The following TRIOBP variants were observed in gnomAD, a reference collection of about 807,000 sequenced individuals.
TRIOBP encodes TRIO and F-actin binding protein, also known as TRIO and F-actin-binding protein.
TRIOBP carries 169 observed loss-of-function variants against 238.8 expected under a neutral mutation model. The observed-to-expected ratio is 0.71, with a 90% CI of 0.62 to 0.80. TRIOBP has a LOEUF of 0.80. Among genes scored for constraint, TRIOBP ranks in the 30% least tolerant of loss-of-function variants. TRIOBP has a pLI of 0.00. For synonymous variants in TRIOBP, 1,150 were observed against 1,274.4 expected, an observed-to-expected ratio of 0.90 and a Z score of 2.08; for missense variants, 2,838 against 3,122.6, an observed-to-expected ratio of 0.91 and a Z score of 2.17.
At chr22:37,757,542 C>G (rs904424726) in intron 15 of TRIOBP, 71 bp from the exon 16 acceptor site, 1 of 1,531,800 alleles carries the variant, frequency 6.5e-7, no homozygotes, top group African/African-American at 1.4e-5. Context: ...ACACAGGTGT[C>G]GCTCCAAAAG....
chr22:37,709,639 C>G (rs1043763164), intron 3 of TRIOBP, among the ~76,000 whole-genome samples: 1 of 152,198 alleles, frequency 6.6e-6, no homozygotes, highest in African/African-American at 2.4e-5. Context: ...TCTCCCACCA[C>G]CAGGGGAGGG....
chr22:37,722,502 G>A (rs1048284343), intron 6 of TRIOBP, among the ~76,000 whole-genome samples: 6 of 150,612 alleles, frequency 4.0e-5, no homozygotes, highest in South Asian at 2.1e-4. Context: ...CGAGGTGAGC[G>A]GATCACCTGA....
chr22:37,761,358 G>A (rs1926235969), intron 17 of TRIOBP, among the ~76,000 whole-genome samples: 1 of 152,172 alleles, frequency 6.6e-6, no homozygotes, highest in African/African-American at 2.4e-5. Flanking sequence ...AGTGGCTGAG[G>A]CAGGAGAATC....
At chr22:37,747,073 G>A (rs914087696) in intron 11 of TRIOBP, among the ~76,000 whole-genome samples, 1 of 152,216 alleles carries the variant, frequency 6.6e-6, no homozygotes, top group Non-Finnish European at 1.5e-5. Context: ...TGATGGCAGG[G>A]GTTTGCCTTT....
intron 6 of TRIOBP, among the ~76,000 whole-genome samples, chr22:37,716,681 C>T (rs989109475): frequency 1.3e-5 from 2 of 152,228 alleles, no homozygotes; most frequent in Non-Finnish European, 2.9e-5. Context: ...AGGAGTGAGC[C>T]ACTATGCCTG....
Position 37,725,700 on chromosome 22 carries a change from G to A in TRIOBP, c.3144G>A (p.Glu1048=). Residue 1048 remains glutamate (E), a synonymous_variant, in exon 7 of 24, where the codon GAG becomes GAA. Coordinates refer to ENST00000644935, the MANE Select transcript of TRIOBP (RefSeq NM_001039141.3). ...FPFFPEPRAP[E]SEPPHHEPPY... The stretch of plus-strand genomic sequence containing the variant: ...TCTTCCCAGAGCCCCGCGCCCCTGA[G>A]AGTGAACCGCCCCACCACGAGCCTC... 6.2e-7 allele frequency: 1 copy of A among 1,612,946 alleles called. No homozygotes were observed. The highest frequency in any genetic ancestry group is 8.5e-7 in the Non-Finnish European group (1 of 1,179,800).
At chr22:37,755,696 A>C (rs1370316259) in intron 15 of TRIOBP, 37 bp downstream of exon 15, 1 of 1,596,530 alleles carries the variant, frequency 6.3e-7, no homozygotes. Flanking sequence ...TGAGGGAGGC[A>C]CTTACCCTTG....
chr22:37,704,779 A>C (rs1922846701), intron 3 of TRIOBP, among the ~76,000 whole-genome samples: 1 of 151,538 alleles, frequency 6.6e-6, no homozygotes, highest in African/African-American at 2.4e-5. Flanking sequence ...CTGGCACGGC[A>C]GCTCACGCCT....
rs775565659 is a variant in TRIOBP at position 37,769,356 on chromosome 22, G to A, written c.6830G>A (p.Arg2277Gln). 22 of 1,607,982 alleles carry A rather than the reference G, an allele frequency of 1.4e-5. No homozygotes were observed. The African/African-American group carries it at 1.5e-4, about 11-fold the overall frequency. Residue 2277 changes from arginine to glutamine, a missense_variant, in exon 21 of 24, where the codon CGG becomes CAG. Arg to Gln is a conservative substitution (Grantham distance 43). Transcript: ENST00000644935. ...MGNGCGRSNE[R>Q]SSCELEVLLR... ...AATGGCTGCGGGCGCAGCAACGAGC[G>A]GAGTTCCTGCGAGCTAGAGGTGAGT...
Position 37,723,917 on chromosome 22 carries a change from C to T in TRIOBP, c.1361C>T (p.Ser454Phe), listed in dbSNP as rs1177942862. 1.8e-6 allele frequency: 2 copies of T among 1,138,240 alleles called. No individual in the cohort carries two copies. The highest frequency in any genetic ancestry group is 2.6e-6 in the Non-Finnish European group (2 of 760,254). 70.5% of individuals were successfully genotyped at this position (1,138,240 alleles called of 1,614,324 possible). ...SRATRDNPTT[S>F]CAQRDNPRAS... ...GCTACACGAGACAACCCCACAACAT[C>T]CTGTGCCCAGCGGGACAATCCCAGA... Residue 454 changes from serine to phenylalanine, a missense_variant, in exon 7 of 24, where the codon TCC (serine) becomes TTC (phenylalanine). Transcript: ENST00000644935.
At position 37,734,458 on chromosome 22, in the gene TRIOBP, T is replaced by C; in HGVS notation, c.4122T>C (p.Pro1374=). The change falls in exon 9 of 24, where the codon CCT becomes CCC. Residue 1374 remains proline, a synonymous_variant. Coordinates refer to ENST00000644935, the MANE Select transcript of TRIOBP (RefSeq NM_001039141.3). Reference sequence around the variant, plus strand: ...CCCGGCGGAGCCAAGCAGAGCCCCCTCATCCTTGGAGTCCTGAGAAGAGAC... The same window carrying C: ...CCCGGCGGAGCCAAGCAGAGCCCCCCCATCCTTGGAGTCCTGAGAAGAGAC... ...ELTRRSQAEP[P]HPWSPEKRPE... 6.2e-7 allele frequency: 1 copy of C among 1,613,038 alleles called. No individual in the cohort carries two copies. The highest frequency in any genetic ancestry group is 8.5e-7 in the Non-Finnish European group (1 of 1,179,878).
intron 21 of TRIOBP, among the ~76,000 whole-genome samples, chr22:37,770,294 C>T (rs1376419431): frequency 6.7e-6 from 1 of 148,734 alleles, no homozygotes; most frequent in African/African-American, 2.5e-5. Flanking sequence ...AAAAATTACC[C>T]GGGCGTGGTG....
At chr22:37,700,170 C>T (rs537579092) in intron 2 of TRIOBP, among the ~76,000 whole-genome samples, 223 of 152,314 alleles carry the variant, frequency 1.5e-3, no homozygotes, top group African/African-American at 5.2e-3. Context: ...AGCCACCGCC[C>T]TCGGCTGGAA....
chr22:37,752,753 C>T (rs993153242), intron 12 of TRIOBP, among the ~76,000 whole-genome samples: 5 of 152,172 alleles, frequency 3.3e-5, no homozygotes, highest in African/African-American at 1.2e-4. Context: ...ACCCAGGGTC[C>T]CCGGAGGGCA....
chr22:37,765,161 G>T (rs775807941), intron 17 of TRIOBP, among the ~76,000 whole-genome samples: 3 of 152,152 alleles, frequency 2.0e-5, no homozygotes, highest in Non-Finnish European at 4.4e-5. Flanking sequence ...GGCACCTGTA[G>T]TCCCAGCTAC....
chr22:37,746,360 C>T (rs754250186), intron 11 of TRIOBP: 2 of 1,251,232 alleles, frequency 1.6e-6, no homozygotes, highest in Non-Finnish European at 2.0e-6. Flanking sequence ...GGAGCCCGGC[C>T]CGAGAGCCGC....
intron 7 of TRIOBP, among the ~76,000 whole-genome samples, chr22:37,733,090 A>G (rs1924502532): frequency 2.0e-5 from 3 of 152,238 alleles, no homozygotes; most frequent in Non-Finnish European, 4.4e-5. Context: ...CAAGAGCCTC[A>G]TGAGGCAGAA....
chr22:37,759,842 T>G, intron 17 of TRIOBP: 1 of 1,162,620 alleles, frequency 8.6e-7, no homozygotes, highest in Non-Finnish European at 1.1e-6. Context: ...ACAAACTAAC[T>G]CTCTAGAAAA....
In TRIOBP at chr22:37,758,072, G is replaced by A. The variant is rs1272555594; in HGVS notation, c.6147G>A (p.Leu2049=). The change falls in exon 16 of 24, where the codon CTG becomes CTA. Residue 2049 remains leucine, a synonymous_variant. Coordinates refer to ENST00000644935, the MANE Select transcript of TRIOBP (RefSeq NM_001039141.3). The stretch of plus-strand genomic sequence containing the variant: ...ATAAGCGGGTGCCCCTCACTGCCCT[G>A]CTCAACCAAAGCCGCGGAGAGCGCC... ...RENKRVPLTA[L]LNQSRGERRG... The A allele has an allele frequency of 1.2e-6, 2 of 1,611,810 alleles. No homozygotes were observed. The highest frequency in any genetic ancestry group is 1.3e-5 in the African/African-American group (1 of 74,902).
Sources: allele counts gnomAD v4.1 joint callset (sites outside exome capture counted in the v4.1 genomes callset), GRCh38; gene constraint gnomAD v4.1.1; transcripts MANE v1.5; gene names NCBI Gene and HGNC (gene_info 2026-07-23, HGNC 2026-07-21).